Variants in MMP16 observed in about 807,000 individuals in gnomAD.
The protein encoded by MMP16 is matrix metallopeptidase 16, also known as matrix metalloproteinase-16.
In MMP16, 12 loss-of-function variants were observed where a neutral mutation model predicts 67.8. The observed-to-expected ratio is 0.18, with a 90% CI of 0.11 to 0.29. The LOEUF is 0.29. Among genes scored for constraint, MMP16 ranks in the 10% least tolerant of loss-of-function variants. MMP16 has a pLI of 1.00. For missense variants in MMP16, 475 were observed against 765.7 expected (o/e 0.62, Z 4.48); for synonymous variants, 249 against 255.9 (o/e 0.97, Z 0.26).
chr8:88,250,780 A>AT (rs914449339), intron 1 of MMP16, among the ~76,000 whole-genome samples: 44 of 147,108 alleles, frequency 3.0e-4, no homozygotes, highest in South Asian at 2.8e-3. Context: ...TTTTTTTTTA[A>AT]TTTTTTTTTA....
At chr8:88,158,689 T>G (rs984403399) in intron 4 of MMP16, among the ~76,000 whole-genome samples, 1 of 152,220 alleles carries the variant, frequency 6.6e-6, no homozygotes, top group African/African-American at 2.4e-5. Context: ...ATTTGTCAAT[T>G]TTGGCTTTTG....
chr8:88,101,222 T>A (rs569301705), intron 6 of MMP16, among the ~76,000 whole-genome samples: 1 of 151,970 alleles, frequency 6.6e-6, no homozygotes, highest in Admixed American at 6.6e-5. Context: ...AACCTAGGCT[T>A]TTCTGCTTTT....
At chr8:88,095,416 C>G (rs910018211) in intron 6 of MMP16, among the ~76,000 whole-genome samples, 1 of 151,624 alleles carries the variant, frequency 6.6e-6, no homozygotes, top group East Asian at 2.0e-4. Context: ...AGATGCATAA[C>G]TCTCATGTCT....
intron 6 of MMP16, among the ~76,000 whole-genome samples, chr8:88,079,061 C>T (rs1479537892): frequency 1.3e-5 from 2 of 152,198 alleles, no homozygotes; most frequent in Admixed American, 1.3e-4. Flanking sequence ...CAAACCTGGA[C>T]TCCTGCCTCC....
intron 4 of MMP16, among the ~76,000 whole-genome samples, chr8:88,124,278 A>T (rs1807889298): frequency 6.6e-6 from 1 of 151,986 alleles, no homozygotes; most frequent in South Asian, 2.1e-4. Flanking sequence ...ATGAAATATC[A>T]GTTAATAGTC....
intron 4 of MMP16, among the ~76,000 whole-genome samples, chr8:88,133,655 T>C (rs1033842967): frequency 6.6e-6 from 1 of 151,830 alleles, no homozygotes; most frequent in Non-Finnish European, 1.5e-5. Context: ...TAAGTCTTAG[T>C]AGCCATTTTT....
rs181803402 is a variant in MMP16, at chr8:88,220,798, G to A, written c.133-23492C>T. On this transcript the variant is annotated intron_variant, in intron 1 of 9. Coordinates refer to ENST00000286614, the MANE Select transcript of MMP16 (RefSeq NM_005941.5). ...TGTTCCACCCAAACTATTGTCCAGC[G>A]TCTTACGATATCAATTTTTTATATA... 7.0e-4 allele frequency among the ~76,000 whole-genome samples: 107 copies of A among 152,184 alleles called. 1 individual carries two copies. Among genetic ancestry groups the A allele is most frequent in the South Asian group, 3.1e-3 (15 of 4,834 alleles).
chr8:88,127,235 T>C (rs1807949857), intron 4 of MMP16, among the ~76,000 whole-genome samples: 1 of 151,854 alleles, frequency 6.6e-6, no homozygotes, highest in Non-Finnish European at 1.5e-5. Flanking sequence ...GATTATTATG[T>C]AGGAGATAAC....
intron 4 of MMP16, among the ~76,000 whole-genome samples, chr8:88,153,265 A>G (rs1230034731): frequency 6.6e-6 from 1 of 152,154 alleles, no homozygotes; most frequent in Non-Finnish European, 1.5e-5. Context: ...AGGAAGAATC[A>G]ATATAGTGAA....
chr8:88,082,913 C>A (rs11782395), intron 6 of MMP16, among the ~76,000 whole-genome samples: 29,179 of 151,856 alleles, frequency 0.19, 3,092 homozygotes, highest in Non-Finnish European at 0.24. Flanking sequence ...AACATACCCA[C>A]ATGGAGAAAA....
chr8:88,245,368 G>T (rs965659365), intron 1 of MMP16, among the ~76,000 whole-genome samples: 2 of 152,150 alleles, frequency 1.3e-5, no homozygotes, highest in African/African-American at 4.8e-5. Flanking sequence ...CAGACATTCT[G>T]AGTATGGAAG....
intron 6 of MMP16, among the ~76,000 whole-genome samples, chr8:88,089,955 G>A (rs535773018): frequency 6.6e-6 from 1 of 152,070 alleles, no homozygotes; most frequent in South Asian, 2.1e-4. Flanking sequence ...TCAATCACAT[G>A]TATATTATGT....
At chr8:88,235,282 C>T (rs1809922574) in intron 1 of MMP16, among the ~76,000 whole-genome samples, 1 of 151,148 alleles carries the variant, frequency 6.6e-6, no homozygotes, top group African/African-American at 2.4e-5. Context: ...ATCTCAGCTA[C>T]TTGGGAGGCA....
At chr8:88,086,844 T>C (rs1008598660) in intron 6 of MMP16, among the ~76,000 whole-genome samples, 2 of 151,928 alleles carry the variant, frequency 1.3e-5, no homozygotes, top group African/African-American at 2.4e-5. Context: ...ATTACCTTGT[T>C]TATTTGTTCA....
In MMP16 at chr8:88,268,942, A is replaced by G. The variant is rs372083822; in HGVS notation, c.132+58133T>C. On this transcript the variant is annotated intron_variant, in intron 1 of 9. Coordinates refer to ENST00000286614, the MANE Select transcript of MMP16 (RefSeq NM_005941.5). ...GCCATGGTTCTTTGATACATCCCCT[A>G]TACAAATACAGGATGAGTTTCTCAC... Among the ~76,000 whole-genome samples, 10 of 152,194 alleles carry G rather than the reference A, an allele frequency of 6.6e-5. No individual in the cohort carries two copies. In the East Asian group the frequency reaches 1.9e-3, roughly 29 times the overall value.
At chr8:88,238,561 G>T (rs1809982481) in intron 1 of MMP16, among the ~76,000 whole-genome samples, 1 of 151,320 alleles carries the variant, frequency 6.6e-6, no homozygotes, top group Non-Finnish European at 1.5e-5. Context: ...AGCTACTCAG[G>T]AGTCTGAGGC....
At chr8:88,185,810 C>T (rs564658688) in intron 3 of MMP16, among the ~76,000 whole-genome samples, 55 of 152,218 alleles carry the variant, frequency 3.6e-4, no homozygotes, top group African/African-American at 1.0e-3. Context: ...CTTTTTATAA[C>T]AAGCATTGTA....
intron 6 of MMP16, among the ~76,000 whole-genome samples, chr8:88,111,557 T>C (rs1443793131): frequency 6.6e-6 from 1 of 151,566 alleles, no homozygotes; most frequent in Non-Finnish European, 1.5e-5. Context: ...CAGAGAGGTA[T>C]GGGGAAATGG....
chr8:88,057,963 G>A (rs1216792796), intron 7 of MMP16, among the ~76,000 whole-genome samples: 1 of 151,702 alleles, frequency 6.6e-6, no homozygotes, highest in East Asian at 1.9e-4. Flanking sequence ...CTGAAGGCTT[G>A]AAAACAAAAA....
Sources: allele counts gnomAD v4.1 joint callset (sites outside exome capture counted in the v4.1 genomes callset), GRCh38; gene constraint gnomAD v4.1.1; transcripts MANE v1.5; gene names NCBI Gene and HGNC (gene_info 2026-07-23, HGNC 2026-07-21).